The following RAD54L2 variants were observed in gnomAD, a reference collection of about 807,000 sequenced individuals.
RAD54L2 encodes helicase ARIP4.
RAD54L2 carries 27 observed loss-of-function variants against 138.4 expected under a neutral mutation model. That is an observed-to-expected ratio of 0.20 (90% CI 0.14 to 0.27). RAD54L2 has a LOEUF of 0.27. Ranked by LOEUF, RAD54L2 falls within the 10% of genes least tolerant of loss-of-function variation. The probability of loss-of-function intolerance (pLI) is 1.00; values close to 1 mark genes in which losing one functional copy is unlikely to be tolerated. For missense variants in RAD54L2, 1,396 were observed against 1,890.2 expected, an observed-to-expected ratio of 0.74 and a Z score of 4.85; for synonymous variants, 644 against 723.2, an observed-to-expected ratio of 0.89 and a Z score of 1.76.
At chr3:51,633,522 AC>A in intron 7 of RAD54L2, 54 bp from the exon 8 acceptor site, 1 of 1,517,974 alleles carries the variant, frequency 6.6e-7, no homozygotes, top group African/African-American at 1.4e-5. Context: ...GTGAGTAAAA[AC>A]TGGAGCCCTC....
At chr3:51,609,049 C>T (rs1700272789) in intron 3 of RAD54L2, among the ~76,000 whole-genome samples, 1 of 152,154 alleles carries the variant, frequency 6.6e-6, no homozygotes, top group Admixed American at 6.5e-5. Flanking sequence ...CACCACCACA[C>T]TCGGCTAATA....
chr3:51,539,870 T>G (rs1698507818), intron 1 of RAD54L2, among the ~76,000 whole-genome samples: 2 of 152,190 alleles, frequency 1.3e-5, no homozygotes, highest in Admixed American at 6.5e-5. Flanking sequence ...GGAAGGGTTA[T>G]GTGGGGCTGG....
chr3:51,599,940 A>AT (rs1199067176), intron 3 of RAD54L2, among the ~76,000 whole-genome samples: 138 of 136,844 alleles, frequency 1.0e-3, no homozygotes, highest in African/African-American at 3.7e-3. Flanking sequence ...TTTATTTTTT[A>AT]TTTTTTTTGA....
intron 10 of RAD54L2, among the ~76,000 whole-genome samples, chr3:51,636,329 C>G (rs1700982971): frequency 6.6e-6 from 1 of 152,188 alleles, no homozygotes; most frequent in Non-Finnish European, 1.5e-5. Context: ...TTAGAAGTCT[C>G]TTCATCTATG....
At chr3:51,540,367 A>G (rs1553671075) in intron 1 of RAD54L2, among the ~76,000 whole-genome samples, 1 of 152,208 alleles carries the variant, frequency 6.6e-6, no homozygotes, top group African/African-American at 2.4e-5. Context: ...CTCACAGGAC[A>G]TTGTCTTCAC....
intron 3 of RAD54L2, among the ~76,000 whole-genome samples, chr3:51,590,895 T>C (rs989966930): frequency 6.6e-6 from 1 of 152,240 alleles, no homozygotes; most frequent in Admixed American, 6.5e-5. Flanking sequence ...CTTTGCAGTC[T>C]GGAGGCCATG....
intron 9 of RAD54L2, among the ~76,000 whole-genome samples, chr3:51,634,336 C>T (rs1389908070): frequency 2.1e-5 from 3 of 143,878 alleles, no homozygotes; most frequent in Admixed American, 7.0e-5. Flanking sequence ...CAACACGAAA[C>T]AATGGATCTT....
At chr3:51,627,833 G>C in intron 4 of RAD54L2, 79 bp downstream of exon 4, 1 of 1,493,306 alleles carries the variant, frequency 6.7e-7, no homozygotes, top group South Asian at 1.2e-5. Context: ...ATAGCAAAAA[G>C]ACTGATTTGG....
chr3:51,635,793 G>A lies in RAD54L2; in HGVS notation c.1339+4G>A. On this transcript the variant is annotated splice_donor_region_variant and intron_variant, in intron 10 of 22. Transcript: ENST00000684192. ...CGGCAGCAGGAGTTTCGGAGAGGTG[G>A]GCAGCCTATCCCAGGAATACTCTTG... 1 of 1,605,714 alleles carries A rather than the reference G, an allele frequency of 6.2e-7. No individual in the cohort carries two copies. The highest frequency in any genetic ancestry group is 1.7e-5 in the Admixed American group (1 of 58,534).
chr3:51,557,811 CAA>C lies in RAD54L2; in HGVS notation c.-55+16162_-55+16163del, dbSNP rs1403298149. 2.2e-3 allele frequency among the ~76,000 whole-genome samples: 179 copies of C among 81,594 alleles called. 3 individuals carry two copies. Among genetic ancestry groups the C allele is most frequent in the African/African-American group, 8.4e-3 (168 of 20,004 alleles). The allele number at this position is 81,594 out of a possible 152,430, so 53.5% of individuals were successfully genotyped here. ...CGCCACTGCACTTCAGCCTGGGTAACAAGAGGGAAACTCCATCTCAAAAAAAA... is the reference window on the plus strand; with the variant it reads ...CGCCACTGCACTTCAGCCTGGGTAACGAGGGAAACTCCATCTCAAAAAAAA... On this transcript the variant is annotated intron_variant, in intron 2 of 22. Transcript: ENST00000684192.
chr3:51,629,236 A>C (rs1700774244), intron 4 of RAD54L2, 98 bp from the exon 5 acceptor site: 3 of 1,354,346 alleles, frequency 2.2e-6, no homozygotes, highest in Admixed American at 4.5e-5. Context: ...TCCCGCCTCG[A>C]CTCTGAGATC....
intron 5 of RAD54L2, 135 bp downstream of exon 5, chr3:51,629,608 C>T: frequency 2.2e-5 from 25 of 1,154,016 alleles, no homozygotes; most frequent in Non-Finnish European, 3.0e-5. Flanking sequence ...CCTGTAATCC[C>T]AGCATTATGG....
At chr3:51,574,092 G>A (rs895467209) in intron 2 of RAD54L2, among the ~76,000 whole-genome samples, 5 of 149,830 alleles carry the variant, frequency 3.3e-5, no homozygotes, top group African/African-American at 9.8e-5. Context: ...GAGAACATGC[G>A]GTGTTTGGTT....
chr3:51,625,892 G>A (rs1700667019), intron 3 of RAD54L2, among the ~76,000 whole-genome samples: 1 of 151,990 alleles, frequency 6.6e-6, no homozygotes, highest in African/African-American at 2.4e-5. Context: ...TAAAGGTCAT[G>A]AGAGACCAGA....
At chr3:51,542,912 C>T (rs1329436008) in intron 2 of RAD54L2, among the ~76,000 whole-genome samples, 1 of 152,162 alleles carries the variant, frequency 6.6e-6, no homozygotes, top group Non-Finnish European at 1.5e-5. Context: ...ACAGCGGGCT[C>T]TCCCATTGAT....
Position 51,561,564 on chromosome 3 carries a change from T to A in RAD54L2, c.-55+19914T>A, listed in dbSNP as rs143518326. Among the ~76,000 whole-genome samples the A allele has an allele frequency of 4.7e-3, 713 of 151,880 alleles. 6 individuals carry two copies. Among genetic ancestry groups the A allele is most frequent in the African/African-American group, 0.014 (572 of 41,444 alleles). On this transcript the variant is annotated intron_variant, in intron 2 of 22. Transcript: ENST00000684192. ...CCGGCCGAAATTCCCTTTTATCTTTTTCTTTTTTTTTTTTTGAAACAGAGT... is the reference window on the plus strand; with the variant it reads ...CCGGCCGAAATTCCCTTTTATCTTTATCTTTTTTTTTTTTTGAAACAGAGT...
chr3:51,549,356 T>C (rs2883900), intron 2 of RAD54L2, among the ~76,000 whole-genome samples: 6,748 of 152,206 alleles, frequency 0.044, 496 homozygotes, highest in African/African-American at 0.15. Flanking sequence ...CTACTCTCTT[T>C]ACAGATTGCT....
chr3:51,578,242 T>C (rs1277083761), intron 2 of RAD54L2, among the ~76,000 whole-genome samples: 2 of 151,984 alleles, frequency 1.3e-5, no homozygotes, highest in African/African-American at 2.4e-5. Context: ...TACATACATG[T>C]TGAGGTATAC....
chr3:51,584,305 C>T (rs1699668000), intron 2 of RAD54L2, among the ~76,000 whole-genome samples: 1 of 152,054 alleles, frequency 6.6e-6, no homozygotes, highest in Admixed American at 6.6e-5. Flanking sequence ...CATTTGTTCA[C>T]CTTTTGTTTC....
Sources: allele counts gnomAD v4.1 joint callset (sites outside exome capture counted in the v4.1 genomes callset), GRCh38; gene constraint gnomAD v4.1.1; transcripts MANE v1.5; gene names NCBI Gene and HGNC (gene_info 2026-07-23, HGNC 2026-07-21).